The following ADGRE3 variants were observed in gnomAD, a reference collection of about 807,000 sequenced individuals.
The protein encoded by ADGRE3 is adhesion G protein-coupled receptor E3, also known as EGF-like module receptor 3.
Under a neutral mutation model 80.1 loss-of-function variants are expected in ADGRE3, and 88 were observed. The observed-to-expected ratio is 1.10, with a 90% CI of 0.93 to 1.31. ADGRE3 has a LOEUF of 1.31. Ranked by LOEUF, ADGRE3 falls within the 40% of genes most tolerant of loss-of-function variation. The pLI is 0.00. For missense variants in ADGRE3, 715 were observed against 776.5 expected (o/e 0.92, Z 0.94); for synonymous variants, 281 against 294.8 (o/e 0.95, Z 0.48).
At chr19:14,653,079 T>C (rs1599638874) in intron 6 of ADGRE3, among the ~76,000 whole-genome samples, 1 of 151,516 alleles carries the variant, frequency 6.6e-6, no homozygotes, top group Non-Finnish European at 1.5e-5. Context: ...GTCCCCCGGG[T>C]TCAAGCGATT....
chr19:14,645,189 A>C (rs571571305), intron 8 of ADGRE3, among the ~76,000 whole-genome samples: 198 of 151,532 alleles, frequency 1.3e-3, no homozygotes, highest in East Asian at 8.7e-3. Flanking sequence ...ACAAAAAAAA[A>C]CCCAAAAAAA....
In ADGRE3 at chr19:14,630,922, G is replaced by A. The variant is rs756000356; in HGVS notation, c.1644-715C>T. Reference sequence around the variant, plus strand: ...ATTTTTTTTGTTGAGACGGAGTCTCGCTCTGTGGCCCAGGCTGGAGTGCAG... The same window carrying A: ...ATTTTTTTTGTTGAGACGGAGTCTCACTCTGTGGCCCAGGCTGGAGTGCAG... On this transcript the variant is annotated intron_variant, in intron 13 of 15. Coordinates refer to ENST00000253673, the MANE Select transcript of ADGRE3 (RefSeq NM_032571.5). Among the ~76,000 whole-genome samples the A allele has an allele frequency of 1.9e-3, 293 of 151,896 alleles. 1 individual carries two copies. The Middle Eastern group carries it at 0.024, about 13-fold the overall frequency.
the ADGRE3 span, among the ~76,000 whole-genome samples, chr19:14,606,190 G>T: frequency 2.6e-5 from 4 of 152,002 alleles, no homozygotes; most frequent in South Asian, 2.1e-4. Context: ...AGTTACTATT[G>T]CTAAAAATGT....
At chr19:14,661,669 A>C (rs1049521010) in intron 4 of ADGRE3, among the ~76,000 whole-genome samples, 7 of 152,190 alleles carry the variant, frequency 4.6e-5, no homozygotes, top group Non-Finnish European at 1.0e-4. Context: ...CTGATGTTAG[A>C]TTCAATAAAA....
intron 11 of ADGRE3, among the ~76,000 whole-genome samples, chr19:14,637,451 T>A (rs1307560997): frequency 1.1e-4 from 16 of 151,072 alleles, no homozygotes; most frequent in African/African-American, 3.9e-4. Flanking sequence ...TGGAATGTAG[T>A]GGCCTGAGCA....
At chr19:14,657,480 C>T (rs1274373234) in intron 5 of ADGRE3, among the ~76,000 whole-genome samples, 1 of 151,986 alleles carries the variant, frequency 6.6e-6, no homozygotes, top group Non-Finnish European at 1.5e-5. Context: ...CACACACGCT[C>T]ATACACACAC....
At chr19:14,655,513 TG>T (rs1209232879) in intron 5 of ADGRE3, among the ~76,000 whole-genome samples, 1 of 152,140 alleles carries the variant, frequency 6.6e-6, no homozygotes, top group East Asian at 1.9e-4. Flanking sequence ...TAGAGTGCAG[TG>T]GTGGGATCTT....
chr19:14,647,398 T>G, intron 7 of ADGRE3, 33 bp from the exon 8 acceptor site: 1 of 1,429,596 alleles, frequency 7.0e-7, no homozygotes, highest in Non-Finnish European at 9.5e-7. Context: ...TCTTTTTTCT[T>G]TTCTTTTCTT....
chr19:14,617,356 T>TTCTTTCTTTCTC (rs2075085273), downstream of ADGRE3, among the ~76,000 whole-genome samples: 1 of 94,848 alleles, frequency 1.1e-5, no homozygotes, highest in African/African-American at 4.0e-5. Flanking sequence ...CTTTCTTTCT[T>TTCTTTCTTTCTC]TCTTTCTTTC....
chr19:14,634,426 A>G (rs1197201496), intron 11 of ADGRE3, among the ~76,000 whole-genome samples: 1 of 152,178 alleles, frequency 6.6e-6, no homozygotes, highest in African/African-American at 2.4e-5. Context: ...TAAGTATGTG[A>G]TTTAATATAG....
At chr19:14,619,585 G>T in intron 15 of ADGRE3, 114 bp from the exon 16 acceptor site, 1 of 783,240 alleles carries the variant, frequency 1.3e-6, no homozygotes, top group Non-Finnish European at 2.2e-6. Flanking sequence ...GAACCAGCAG[G>T]CAAGGATGGC....
chr19:14,609,112 C>T, the ADGRE3 span, among the ~76,000 whole-genome samples: 1 of 152,024 alleles, frequency 6.6e-6, no homozygotes, highest in Non-Finnish European at 1.5e-5. Context: ...ACATTGGCTG[C>T]TAAAGGCTCA....
In ADGRE3 at chr19:14,625,491, C is replaced by T. The variant is rs1369014793; in HGVS notation, c.1920+1G>A. The T allele has an allele frequency of 6.3e-7, 1 of 1,579,402 alleles. No homozygotes were observed. Among genetic ancestry groups the T allele is most frequent in the South Asian group, 1.1e-5 (1 of 90,356 alleles). ...TAGAACAATTCAGATGTTTCACTTA[C>T]CTCACTGGGTTTTGAGTCAGGACCC... is the stretch of plus-strand genomic sequence containing the variant. On this transcript the variant is annotated splice_donor_variant, in intron 15 of 15. Coordinates refer to ENST00000253673, the MANE Select transcript of ADGRE3 (RefSeq NM_032571.5). LOFTEE classifies it high-confidence loss of function.
chr19:14,650,034 C>T (rs1398368106), intron 7 of ADGRE3, among the ~76,000 whole-genome samples: 1 of 149,766 alleles, frequency 6.7e-6, no homozygotes, highest in Admixed American at 6.7e-5. Context: ...ATCTCTCTCC[C>T]CATCCCTCTC....
the ADGRE3 span, among the ~76,000 whole-genome samples, chr19:14,613,784 C>A: frequency 2.0e-5 from 3 of 151,726 alleles, no homozygotes; most frequent in Non-Finnish European, 4.4e-5. Context: ...CTCCTGGGTA[C>A]AAGCGATTCT....
chr19:14,624,152 T>C (rs940460260), intron 15 of ADGRE3, among the ~76,000 whole-genome samples: 2 of 150,770 alleles, frequency 1.3e-5, no homozygotes, highest in Admixed American at 1.3e-4. Context: ...TGGAGTGCAA[T>C]GGCACGAGCT....
chr19:14,653,900 C>T (rs1971673927), intron 6 of ADGRE3, among the ~76,000 whole-genome samples: 1 of 151,246 alleles, frequency 6.6e-6, no homozygotes, highest in Non-Finnish European at 1.5e-5. Flanking sequence ...TTCCAGTTTT[C>T]CAAGAAGAAT....
At chr19:14,649,616 A>C (rs1463861523) in intron 7 of ADGRE3, among the ~76,000 whole-genome samples, 4 of 88,506 alleles carry the variant, frequency 4.5e-5, no homozygotes, top group East Asian at 3.1e-4. Context: ...CTGTCTTTCC[A>C]TCTCTCTCTC....
At chr19:14,662,627 C>G (rs1971979706) in intron 3 of ADGRE3, among the ~76,000 whole-genome samples, 1 of 152,036 alleles carries the variant, frequency 6.6e-6, no homozygotes, top group Non-Finnish European at 1.5e-5. Flanking sequence ...CTCAGGTGAT[C>G]CACCTGCCTT....
Sources: allele counts gnomAD v4.1 joint callset (sites outside exome capture counted in the v4.1 genomes callset), GRCh38; gene constraint gnomAD v4.1.1; transcripts MANE v1.5; gene names NCBI Gene and HGNC (gene_info 2026-07-23, HGNC 2026-07-21).